C1orf21: variants seen among roughly 807,000 people sequenced by gnomAD.
C1orf21 encodes uncharacterized protein C1orf21.
A neutral mutation model predicts 18.7 loss-of-function variants in C1orf21; 3 were observed. That is an observed-to-expected ratio of 0.16 (90% CI 0.07 to 0.42). The LOEUF (loss-of-function observed/expected upper bound fraction) is 0.42. Ranked by LOEUF, C1orf21 falls within the 10% of genes least tolerant of loss-of-function variation. C1orf21 has a pLI of 0.99. For synonymous variants in C1orf21, 41 were observed against 46.4 expected (o/e 0.88, Z 0.47); for missense variants, 104 against 143.6 (o/e 0.72, Z 1.41).
At chr1:184,420,604 C>T (rs1325504984) in intron 1 of C1orf21, among the ~76,000 whole-genome samples, 1 of 152,068 alleles carries the variant, frequency 6.6e-6, no homozygotes, top group Non-Finnish European at 1.5e-5. Flanking sequence ...ACTATGAGGC[C>T]TTTTCATTTT....
rs1473296550 is a variant in C1orf21, at chr1:184,387,534, C to T, written c.-125+166C>T. Among the ~76,000 whole-genome samples the T allele has an allele frequency of 6.7e-6, 1 of 148,768 alleles. No homozygotes were observed. Among genetic ancestry groups the T allele is most frequent in the African/African-American group, 2.5e-5 (1 of 40,144 alleles). ...GTCGTGGCGCTGCCTGCGCGGGGCC[C>T]GGGCCGGGGCTGCTGCTGGTGCGGG... On this transcript the variant is annotated intron_variant, in intron 1 of 5. Transcript: ENST00000235307. This position sits in a 1 kb window ranked among gnomAD's most constrained non-coding sequence, Gnocchi z 5.6.
intron 1 of C1orf21, among the ~76,000 whole-genome samples, chr1:184,456,596 C>T (rs1657201901): frequency 6.8e-6 from 1 of 147,810 alleles, no homozygotes; most frequent in African/African-American, 2.6e-5. Flanking sequence ...AGCACAGGTG[C>T]CAGATTTGAT....
chr1:184,439,973 AT>A (rs1557972626), intron 1 of C1orf21, among the ~76,000 whole-genome samples: 2 of 152,178 alleles, frequency 1.3e-5, no homozygotes, highest in African/African-American at 4.8e-5. Flanking sequence ...TAGCCAATAA[AT>A]TTTTCCAAAG....
rs1398916933 is a variant in C1orf21, at chr1:184,627,235, C to T, written c.*7679C>T. On this transcript the variant is annotated 3_prime_UTR_variant, in exon 6 of 6. Coordinates refer to ENST00000235307, the MANE Select transcript of C1orf21 (RefSeq NM_030806.4). ...GACAAGCAGAATCTCTCTATGGAGA[C>T]AACTTGCAGTGCCTTTTAGGTTTTC... 3 of 152,112 alleles carry T rather than the reference C, an allele frequency of 2.0e-5. No homozygotes were observed. The highest frequency in any genetic ancestry group is 7.2e-5 in the African/African-American group (3 of 41,392). The allele number at this position is 152,112 out of a possible 1,614,324, so 9.4% of individuals were successfully genotyped here. A position where few individuals can be genotyped will look rare whatever the true frequency, so the allele number is the denominator to read the frequency against.
At chr1:184,527,117 A>G (rs1658389028) in intron 3 of C1orf21, among the ~76,000 whole-genome samples, 1 of 152,180 alleles carries the variant, frequency 6.6e-6, no homozygotes, top group Non-Finnish European at 1.5e-5. Context: ...TCTGTGAAAA[A>G]CAGTATCGAG....
intron 5 of C1orf21, among the ~76,000 whole-genome samples, chr1:184,617,524 A>C: frequency 6.6e-6 from 1 of 152,156 alleles, no homozygotes; most frequent in Non-Finnish European, 1.5e-5. Flanking sequence ...CCAGTGTGTG[A>C]CTCAGAGCAT....
At chr1:184,461,293 G>A (rs565509132) in intron 1 of C1orf21, among the ~76,000 whole-genome samples, 1 of 152,320 alleles carries the variant, frequency 6.6e-6, no homozygotes, top group South Asian at 2.1e-4. Context: ...GGTTGAGTTG[G>A]AGGGAGAAGA....
intron 5 of C1orf21, among the ~76,000 whole-genome samples, chr1:184,601,898 C>T (rs1659589790): frequency 6.6e-6 from 1 of 150,524 alleles, no homozygotes; most frequent in East Asian, 1.9e-4. Flanking sequence ...AAGACTCCAT[C>T]TCAAAAAAAA....
chr1:184,543,065 T>C (rs543323664), intron 3 of C1orf21, among the ~76,000 whole-genome samples: 24 of 152,328 alleles, frequency 1.6e-4, no homozygotes, highest in Non-Finnish European at 2.8e-4. Context: ...ACCAACACTT[T>C]AATTTCCTTT....
rs192739358 is a variant in C1orf21, at chr1:184,498,386, C to T, written c.95-9202C>T. Among the ~76,000 whole-genome samples the T allele has an allele frequency of 2.8e-3, 430 of 152,248 alleles. 2 individuals carry two copies. The highest frequency in any genetic ancestry group is 9.8e-3 in the African/African-American group (407 of 41,538). Reference sequence around the variant, plus strand: ...ATGCATCCATGCGTGTATGTCTATGCGTTCTCTCTCTCTCTCTCACCTTTG... The same window carrying T: ...ATGCATCCATGCGTGTATGTCTATGTGTTCTCTCTCTCTCTCTCACCTTTG... On this transcript the variant is annotated intron_variant, in intron 2 of 5. Coordinates refer to ENST00000235307, the MANE Select transcript of C1orf21 (RefSeq NM_030806.4).
intron 1 of C1orf21, among the ~76,000 whole-genome samples, chr1:184,393,193 G>A (rs897070836): frequency 9.2e-5 from 14 of 152,074 alleles, no homozygotes; most frequent in Admixed American, 9.2e-4. Context: ...GTCTGAATGA[G>A]CTTTTCCAGT....
chr1:184,530,965 A>G (rs1457085531), intron 3 of C1orf21, among the ~76,000 whole-genome samples: 1 of 152,138 alleles, frequency 6.6e-6, no homozygotes, highest in African/African-American at 2.4e-5. Flanking sequence ...AATATTATGT[A>G]GGTTTTACCC....
At chr1:184,445,371 TCTC>T (rs1657013397) in intron 1 of C1orf21, among the ~76,000 whole-genome samples, 1 of 151,592 alleles carries the variant, frequency 6.6e-6, no homozygotes. Context: ...TCTCTCTCTC[TCTC>T]GCAAGGAGCT....
At chr1:184,394,709 T>G (rs1557960946) in intron 1 of C1orf21, among the ~76,000 whole-genome samples, 2 of 152,256 alleles carry the variant, frequency 1.3e-5, no homozygotes, top group Non-Finnish European at 1.5e-5. Flanking sequence ...TCAGTGGTTC[T>G]ATCTCAAAGT....
intron 1 of C1orf21, among the ~76,000 whole-genome samples, chr1:184,429,828 G>T (rs1326236825): frequency 6.6e-6 from 1 of 152,010 alleles, no homozygotes; most frequent in Admixed American, 6.6e-5. Context: ...TCATTGTTTG[G>T]CTGGGCATGC....
chr1:184,528,880 CA>C (rs1417528288), intron 3 of C1orf21, among the ~76,000 whole-genome samples: 2 of 152,072 alleles, frequency 1.3e-5, no homozygotes, highest in Non-Finnish European at 2.9e-5. Context: ...AGCATATTCC[CA>C]AATACAGCCA....
At chr1:184,429,667 A>G (rs1459564268) in intron 1 of C1orf21, among the ~76,000 whole-genome samples, 1 of 150,350 alleles carries the variant, frequency 6.7e-6, no homozygotes, top group Non-Finnish European at 1.5e-5. Context: ...GCTTAGTAGC[A>G]TAACCACAAG....
At chr1:184,451,439 C>T (rs907400753) in intron 1 of C1orf21, among the ~76,000 whole-genome samples, 1 of 150,492 alleles carries the variant, frequency 6.6e-6, no homozygotes, top group African/African-American at 2.5e-5. Context: ...TGTAGGCATA[C>T]ACCATCATGC....
chr1:184,585,731 G>A (rs1396860866), intron 3 of C1orf21, among the ~76,000 whole-genome samples: 1 of 152,120 alleles, frequency 6.6e-6, no homozygotes, highest in Non-Finnish European at 1.5e-5. Context: ...TTTGGTTTTT[G>A]TTTCTCTGTT....
Sources: allele counts gnomAD v4.1 joint callset (sites outside exome capture counted in the v4.1 genomes callset), GRCh38; gene constraint gnomAD v4.1.1; non-coding constraint Gnocchi (gnomAD v3.1); transcripts MANE v1.5; gene names NCBI Gene and HGNC (gene_info 2026-07-23, HGNC 2026-07-21).